DEK: variants seen among roughly 807,000 people sequenced by gnomAD.
DEK encodes protein DEK.
DEK carries 28 observed loss-of-function variants against 46.8 expected under a neutral mutation model. That is an observed-to-expected ratio of 0.60 (90% CI 0.44 to 0.82). The LOEUF (loss-of-function observed/expected upper bound fraction) is 0.82. DEK is among the 40% of genes least tolerant of loss of function. The pLI is 0.00. For synonymous variants in DEK, 160 were observed against 144.5 expected (o/e 1.11, Z -0.77); for missense variants, 416 against 430.6 (o/e 0.97, Z 0.30).
At position 18,259,428 on chromosome 6, in the gene DEK, A is replaced by AT. The variant is rs1561993168; in HGVS notation, c.146-1024_146-1023insA. Among the ~76,000 whole-genome samples the AT allele has an allele frequency of 1.2e-3, 168 of 144,102 alleles. 2 individuals carry two copies. Among genetic ancestry groups the AT allele is most frequent in the Non-Finnish European group, 1.9e-3 (122 of 65,810 alleles). The allele number at this position is 144,102 out of a possible 152,430, so 94.5% of individuals were successfully genotyped here. On this transcript the variant is annotated intron_variant, in intron 2 of 10. Coordinates refer to ENST00000652689, the MANE Select transcript of DEK (RefSeq NM_003472.4). ...AAAAAAAAAAAAAAAAAAAAAAAAA[A>AT]AAAAATCTAGAAAACAGGTAGCATA...
rs1425575695 is a variant in DEK, at chr6:18,224,737, A to G, written c.*982T>C. On this transcript the variant is annotated 3_prime_UTR_variant, in exon 11 of 11. Coordinates refer to ENST00000652689, the MANE Select transcript of DEK (RefSeq NM_003472.4). ...GTGAAGCTGGCTAGGTTTCCAGTAAATATCAGCATTTTATATGGGCAAAAG... is the reference window on the plus strand; with the variant it reads ...GTGAAGCTGGCTAGGTTTCCAGTAAGTATCAGCATTTTATATGGGCAAAAG... The G allele has an allele frequency of 1.4e-5, 3 of 215,248 alleles. No individual in the cohort carries two copies. The East Asian group carries it at 2.1e-4, about 15-fold the overall frequency. The allele number at this position is 215,248 out of a possible 1,614,324, so 13.3% of individuals were successfully genotyped here.
chr6:18,225,933 T>C, intron 10 of DEK: 1 of 696,282 alleles, frequency 1.4e-6, no homozygotes, highest in East Asian at 2.9e-5. Flanking sequence ...GATGCCCAGC[T>C]ACCCAGGTAC....
chr6:18,241,013 T>C (rs1790869689), intron 7 of DEK, among the ~76,000 whole-genome samples: 1 of 152,242 alleles, frequency 6.6e-6, no homozygotes, highest in Admixed American at 6.5e-5. Flanking sequence ...CTGTAAATTC[T>C]TCTGTGACAA....
chr6:18,260,313 A>G (rs531257289), intron 2 of DEK, among the ~76,000 whole-genome samples: 1 of 152,236 alleles, frequency 6.6e-6, no homozygotes, highest in African/African-American at 2.4e-5. Flanking sequence ...GCAACCATCC[A>G]TTTTTACCAA....
intron 7 of DEK, among the ~76,000 whole-genome samples, chr6:18,246,039 G>A (rs1791100905): frequency 6.6e-6 from 1 of 152,226 alleles, no homozygotes; most frequent in Admixed American, 6.5e-5. Context: ...CCCCAGCCAT[G>A]TGGAACTGTG....
In DEK at chr6:18,257,919, A is replaced by C. The variant is rs564966830; in HGVS notation, c.357+34T>G. ...GAAATTGATTCCATTGTGAAGTAATATACAAGTAGGTTTAAAGTGTAAAAA... is the reference window on the plus strand; with the variant it reads ...GAAATTGATTCCATTGTGAAGTAATCTACAAGTAGGTTTAAAGTGTAAAAA... On this transcript the variant is annotated intron_variant, in intron 4 of 10. Coordinates refer to ENST00000652689, the MANE Select transcript of DEK (RefSeq NM_003472.4). The C allele has an allele frequency of 2.7e-6, 4 of 1,458,856 alleles. No homozygotes were observed. In the East Asian group the frequency reaches 6.8e-5, roughly 25 times the overall value. The allele number at this position is 1,458,856 out of a possible 1,614,324, so 90.4% of individuals were successfully genotyped here.
intron 7 of DEK, among the ~76,000 whole-genome samples, chr6:18,241,916 G>C (rs1486197464): frequency 6.6e-6 from 1 of 152,176 alleles, no homozygotes; most frequent in East Asian, 1.9e-4. Flanking sequence ...ACCAGACAAA[G>C]CAATCAACAG....
chr6:18,262,675 C>T (rs214515), intron 2 of DEK, among the ~76,000 whole-genome samples: 79,780 of 151,978 alleles, frequency 0.52, 22,252 homozygotes, highest in African/African-American at 0.73. Context: ...ACCAGAAGAC[C>T]AAAATACAAA....
intron 7 of DEK, chr6:18,244,665 G>T: frequency 1.2e-6 from 1 of 868,320 alleles, no homozygotes; most frequent in Non-Finnish European, 1.6e-6. Context: ...TCAACAATTT[G>T]GCTGAGAAAA....
At position 18,225,718 on chromosome 6, in the gene DEK, C is replaced by G. The variant is rs1457159218; in HGVS notation, c.*1G>C. 4 of 1,613,126 alleles carry G rather than the reference C, an allele frequency of 2.5e-6. No homozygotes were observed. The African/African-American group carries it at 5.3e-5, about 22-fold the overall frequency. On this transcript the variant is annotated 3_prime_UTR_variant, in exon 11 of 11. Transcript: ENST00000652689. ...ACGAGTCATCTTCTCTGTCCTCTAT[C>G]TCAAGAAATTAGCTGTAATGAAAGA...
intron 9 of DEK, among the ~76,000 whole-genome samples, chr6:18,233,872 T>C (rs1291138995): frequency 6.6e-6 from 1 of 152,214 alleles, no homozygotes; most frequent in Non-Finnish European, 1.5e-5. Flanking sequence ...TTATAAATCA[T>C]GCTACTATAA....
intron 7 of DEK, among the ~76,000 whole-genome samples, chr6:18,246,160 C>A (rs140190647): frequency 4.4e-4 from 67 of 152,266 alleles, no homozygotes; most frequent in African/African-American, 1.6e-3. Context: ...AAGCTAATCC[C>A]ACATAGGAAC....
chr6:18,226,200 C>A lies in DEK; in HGVS notation c.1090G>T (p.Asp364Tyr), dbSNP rs1444845310. Residue 364 changes from aspartate to tyrosine, a missense_variant, in exon 10 of 11, where the codon GAT becomes TAT. Transcript: ENST00000652689. ...YPTYDLTERK[D>Y]FIKTTVKELI... Reference sequence around the variant, plus strand: ...TCTTTTACAGTTGTTTTTATGAAATCTTTTCTTTCAGTTAAATCATAAGTA... The same window carrying A: ...TCTTTTACAGTTGTTTTTATGAAATATTTTCTTTCAGTTAAATCATAAGTA... The A allele has an allele frequency of 3.0e-6, 4 of 1,338,242 alleles. No individual in the cohort carries two copies. Among genetic ancestry groups the A allele is most frequent in the South Asian group, 3.0e-5 (2 of 67,094 alleles). The allele number at this position is 1,338,242 out of a possible 1,614,324, so 82.9% of individuals were successfully genotyped here.
intron 9 of DEK, among the ~76,000 whole-genome samples, chr6:18,231,378 C>G (rs541320680): frequency 6.6e-6 from 1 of 152,116 alleles, no homozygotes; most frequent in East Asian, 1.9e-4. Flanking sequence ...CAGAGCAGAA[C>G]TGAAGGAGAC....
chr6:18,230,671 G>C (rs890391936), intron 9 of DEK, among the ~76,000 whole-genome samples: 1 of 152,190 alleles, frequency 6.6e-6, no homozygotes, highest in African/African-American at 2.4e-5. Context: ...TCAACAAGGA[G>C]AGCTAACTAT....
chr6:18,249,852 T>G lies in DEK; in HGVS notation c.574-13A>C, dbSNP rs561297111. On this transcript the variant is annotated splice_polypyrimidine_tract_variant and intron_variant, in intron 6 of 10. Transcript: ENST00000652689. ...ATTTCGGCAATGGCTGCATAAAAAT[T>G]TATAAAGATAACACCAATGAGGTAT... 27 of 1,587,244 alleles carry G rather than the reference T, an allele frequency of 1.7e-5. No individual in the cohort carries two copies. Among genetic ancestry groups the G allele is most frequent in the South Asian group, 1.2e-4 (10 of 85,676 alleles).
chr6:18,228,298 G>A (rs1409606049), intron 9 of DEK, among the ~76,000 whole-genome samples: 1 of 152,088 alleles, frequency 6.6e-6, no homozygotes, highest in Non-Finnish European at 1.5e-5. Context: ...AAAACCAGGT[G>A]ACTAAGATAG....
At chr6:18,234,976 T>G (rs1790584603) in intron 9 of DEK, among the ~76,000 whole-genome samples, 1 of 152,194 alleles carries the variant, frequency 6.6e-6, no homozygotes, top group African/African-American at 2.4e-5. Context: ...GACCTCTCCA[T>G]GTTATTAATC....
At chr6:18,243,543 C>T (rs532446503) in intron 7 of DEK, among the ~76,000 whole-genome samples, 24 of 152,272 alleles carry the variant, frequency 1.6e-4, no homozygotes, top group Non-Finnish European at 2.9e-4. Flanking sequence ...TAGTCAAAGG[C>T]ACCCTGCCTT....
Sources: gnomAD v4.1 joint callset for allele counts (sites outside exome capture counted in the v4.1 genomes callset) on GRCh38, gnomAD v4.1.1 for gene constraint, MANE v1.5 for transcripts, NCBI Gene and HGNC (gene_info 2026-07-23, HGNC 2026-07-21) for gene names.